Variants in ADAMTSL1 observed in about 807,000 individuals in gnomAD.
ADAMTSL1 encodes the protein ADAMTS like 1.
ADAMTSL1 carries 126 observed loss-of-function variants against 201.8 expected under a neutral mutation model. That is an observed-to-expected ratio of 0.62 (90% CI 0.54 to 0.72). The LOEUF (loss-of-function observed/expected upper bound fraction) is 0.72. Among genes scored for constraint, ADAMTSL1 ranks in the 30% least tolerant of loss-of-function variants. The pLI is 0.00. For synonymous variants in ADAMTSL1, 1,121 were observed against 903.4 expected, an observed-to-expected ratio of 1.24 and a Z score of -4.32; for missense variants, 2,679 against 2,277.8, an observed-to-expected ratio of 1.18 and a Z score of -3.59.
At chr9:18,749,193 C>CA (rs1026990289) in intron 15 of ADAMTSL1, among the ~76,000 whole-genome samples, 3 of 152,176 alleles carry the variant, frequency 2.0e-5, no homozygotes, top group Admixed American at 6.5e-5. Context: ...TCCAACATAC[C>CA]TTTTTTTGGA....
intron 1 of ADAMTSL1, among the ~76,000 whole-genome samples, chr9:17,931,513 C>T (rs1466738955): frequency 6.6e-6 from 1 of 152,232 alleles, no homozygotes; most frequent in Non-Finnish European, 1.5e-5. Context: ...GAAAAATGTA[C>T]ATTTAAACTC....
At position 18,820,333 on chromosome 9, in the gene ADAMTSL1, A is replaced by G. The variant is rs142020705; in HGVS notation, c.3934+3096A>G. 1.6e-4 allele frequency among the ~76,000 whole-genome samples: 25 copies of G among 152,320 alleles called. No homozygotes were observed. The East Asian group carries it at 2.9e-3, about 18-fold the overall frequency. Reference sequence around the variant, plus strand: ...GAAAAGTTATGAAATATGTAATGATAATACAATGTGATATGTAGATACGGT... The same window carrying G: ...GAAAAGTTATGAAATATGTAATGATGATACAATGTGATATGTAGATACGGT... On this transcript the variant is annotated intron_variant, in intron 21 of 28. Coordinates refer to ENST00000380548, the MANE Select transcript of ADAMTSL1 (RefSeq NM_001040272.6).
intron 2 of ADAMTSL1, among the ~76,000 whole-genome samples, chr9:18,519,364 G>A (rs752649888): frequency 4.1e-5 from 6 of 147,228 alleles, no homozygotes; most frequent in Non-Finnish European, 7.6e-5. Context: ...AGCAGGAGGA[G>A]GAAGCGAGGG....
At chr9:18,782,667 A>G (rs1821465904) in intron 19 of ADAMTSL1, among the ~76,000 whole-genome samples, 1 of 152,238 alleles carries the variant, frequency 6.6e-6, no homozygotes, top group Non-Finnish European at 1.5e-5. Flanking sequence ...TGTCAGGCAG[A>G]AAATTAAAAC....
chr9:18,816,394 A>C (rs1823849470), intron 20 of ADAMTSL1, among the ~76,000 whole-genome samples: 1 of 151,774 alleles, frequency 6.6e-6, no homozygotes, highest in East Asian at 1.9e-4. Context: ...ATGCCACCAC[A>C]CCCGGTTAAT....
chr9:18,239,640 C>A (rs533415202), intron 2 of ADAMTSL1, among the ~76,000 whole-genome samples: 1 of 151,896 alleles, frequency 6.6e-6, no homozygotes, highest in Admixed American at 6.6e-5. Context: ...CCTAGCTACT[C>A]GGGAGGCTGA....
At chr9:18,170,181 C>T (rs1016353691) in intron 2 of ADAMTSL1, among the ~76,000 whole-genome samples, 1 of 151,958 alleles carries the variant, frequency 6.6e-6, no homozygotes, top group African/African-American at 2.4e-5. Context: ...CATAAAAAAC[C>T]CTTTAAGTTT....
intron 23 of ADAMTSL1, among the ~76,000 whole-genome samples, chr9:18,845,730 C>T (rs966992927): frequency 1.3e-5 from 2 of 152,202 alleles, no homozygotes; most frequent in Non-Finnish European, 2.9e-5. Context: ...CTTGTTGACC[C>T]TAAATCTCAT....
At chr9:18,151,429 T>G (rs931331434) in intron 1 of ADAMTSL1, among the ~76,000 whole-genome samples, 2 of 152,072 alleles carry the variant, frequency 1.3e-5, no homozygotes, top group Non-Finnish European at 2.9e-5. Flanking sequence ...CTTCAGCTCC[T>G]GTGTGAATGC....
chr9:18,201,025 C>G (rs1248279138), intron 2 of ADAMTSL1, among the ~76,000 whole-genome samples: 1 of 151,986 alleles, frequency 6.6e-6, no homozygotes, highest in African/African-American at 2.4e-5. Context: ...GGAATGGTAT[C>G]AAGTTATGAA....
At chr9:18,521,502 TG>T (rs1818689986) in intron 2 of ADAMTSL1, among the ~76,000 whole-genome samples, 1 of 151,748 alleles carries the variant, frequency 6.6e-6, no homozygotes, top group Non-Finnish European at 1.5e-5. Flanking sequence ...ATTTATTCAA[TG>T]TTTATTAAAA....
At chr9:18,653,311 TG>T (rs1828413617) in intron 7 of ADAMTSL1, among the ~76,000 whole-genome samples, 1 of 152,212 alleles carries the variant, frequency 6.6e-6, no homozygotes, top group Non-Finnish European at 1.5e-5. Flanking sequence ...ATCTGACCAC[TG>T]GGACAATCCT....
intron 9 of ADAMTSL1, among the ~76,000 whole-genome samples, chr9:18,670,113 T>G (rs1360302482): frequency 1.3e-5 from 2 of 152,200 alleles, no homozygotes; most frequent in Non-Finnish European, 2.9e-5. Context: ...GAGCACCATT[T>G]TCTATACAAG....
At chr9:18,887,724 C>T (rs2131540492) in intron 23 of ADAMTSL1, 107 bp from the exon 24 acceptor site, 1 of 1,009,700 alleles carries the variant, frequency 9.9e-7, no homozygotes, top group East Asian at 2.6e-5. Flanking sequence ...ACAGACAAGG[C>T]CACATTGTGT....
At chr9:18,304,381 C>G (rs968140612) in intron 2 of ADAMTSL1, among the ~76,000 whole-genome samples, 1 of 152,078 alleles carries the variant, frequency 6.6e-6, no homozygotes, top group South Asian at 2.1e-4. Context: ...CTTGTGAGCT[C>G]CTGGGTGTCG....
At chr9:18,709,208 A>G (rs1174393823) in intron 14 of ADAMTSL1, among the ~76,000 whole-genome samples, 2 of 152,204 alleles carry the variant, frequency 1.3e-5, no homozygotes, top group Admixed American at 6.5e-5. Flanking sequence ...CTTGGGTTAT[A>G]TGGTCCATAT....
intron 1 of ADAMTSL1, among the ~76,000 whole-genome samples, chr9:18,028,699 C>T (rs1271147185): frequency 2.0e-5 from 3 of 152,090 alleles, no homozygotes; most frequent in Non-Finnish European, 4.4e-5. Context: ...TAGTGTGATG[C>T]CTTCCACTTT....
chr9:18,266,216 A>G (rs1832112308), intron 2 of ADAMTSL1, among the ~76,000 whole-genome samples: 1 of 152,072 alleles, frequency 6.6e-6, no homozygotes, highest in African/African-American at 2.4e-5. Flanking sequence ...TCTCATTTGT[A>G]TTTCTTTGCT....
intron 1 of ADAMTSL1, among the ~76,000 whole-genome samples, chr9:18,133,229 C>T (rs1298103409): frequency 6.6e-6 from 1 of 152,088 alleles, no homozygotes; most frequent in Non-Finnish European, 1.5e-5. Flanking sequence ...TGGGATCAGA[C>T]TCTCCTGAGG....
Sources: gnomAD v4.1 joint callset for allele counts (sites outside exome capture counted in the v4.1 genomes callset) on GRCh38, gnomAD v4.1.1 for gene constraint, MANE v1.5 for transcripts, NCBI Gene and HGNC (gene_info 2026-07-23, HGNC 2026-07-21) for gene names.